VCPIP1: variants seen among roughly 807,000 people sequenced by gnomAD.
The protein encoded by VCPIP1 is valosin containing protein interacting protein 1.
VCPIP1 carries 8 observed loss-of-function variants against 85.0 expected under a neutral mutation model. That is an observed-to-expected ratio of 0.09 (90% CI 0.06 to 0.17). The LOEUF (loss-of-function observed/expected upper bound fraction) is 0.17, where lower values mean the gene tolerates loss of function less well. VCPIP1 is among the 10% of genes least tolerant of loss of function. The pLI, the probability that VCPIP1 is intolerant of heterozygous loss-of-function variation, is 1.00. For synonymous variants in VCPIP1, 543 were observed against 544.5 expected (o/e 1.00, Z 0.04); for missense variants, 1,070 against 1,486.3 (o/e 0.72, Z 4.61).
At chr8:66,651,756 G>A (rs1179477151) in intron 1 of VCPIP1, among the ~76,000 whole-genome samples, 2 of 152,058 alleles carry the variant, frequency 1.3e-5, no homozygotes, top group African/African-American at 4.8e-5. Flanking sequence ...ACTGCCAAGT[G>A]CTGTCATGGA....
chr8:66,653,785 C>T (rs934283181), intron 1 of VCPIP1, among the ~76,000 whole-genome samples: 26 of 152,136 alleles, frequency 1.7e-4, no homozygotes, highest in African/African-American at 6.3e-4. Flanking sequence ...CATTATTTTC[C>T]TAGTCCTCCC....
intron 2 of VCPIP1, among the ~76,000 whole-genome samples, chr8:66,648,195 C>A (rs138463654): frequency 6.6e-6 from 1 of 152,018 alleles, no homozygotes. Flanking sequence ...TTTTAAAAAA[C>A]GAAGGAATAA....
intron 2 of VCPIP1, among the ~76,000 whole-genome samples, chr8:66,644,952 A>T (rs937047153): frequency 6.6e-6 from 1 of 151,716 alleles, no homozygotes; most frequent in African/African-American, 2.4e-5. Context: ...TACAAAAATT[A>T]GCTGGGTGTG....
intron 2 of VCPIP1, among the ~76,000 whole-genome samples, chr8:66,639,033 A>G (rs1810921333): frequency 6.7e-6 from 1 of 148,904 alleles, no homozygotes; most frequent in South Asian, 2.1e-4. Flanking sequence ...ACCAGGCTGG[A>G]GTACAGTGGT....
chr8:66,635,636 A>T (rs1250209019), intron 2 of VCPIP1, among the ~76,000 whole-genome samples: 2 of 152,162 alleles, frequency 1.3e-5, no homozygotes, highest in Non-Finnish European at 2.9e-5. Context: ...GCTTGAGGTC[A>T]CACAGTGGCT....
Position 66,664,724 on chromosome 8 carries a change from A to G in VCPIP1, c.2235T>C (p.Thr745=), listed in dbSNP as rs1811190236. 1 of 1,613,634 alleles carries G rather than the reference A, an allele frequency of 6.2e-7. No homozygotes were observed. Residue 745 remains threonine, a synonymous_variant, in exon 1 of 3, where the codon ACT becomes ACC. Coordinates refer to ENST00000310421, the MANE Select transcript of VCPIP1 (RefSeq NM_025054.5). ...CATCACGAATGGTACTGGGAGAAAC[A>G]GTCCTGGGTTGCCCTTTTTGTTCTT... ...LKQEQKGQPR[T]VSPSTIRDGP...
At chr8:66,635,421 TA>T in intron 2 of VCPIP1, 49 bp from the exon 3 acceptor site, 4 of 1,496,390 alleles carry the variant, frequency 2.7e-6, no homozygotes, top group South Asian at 1.3e-5. Flanking sequence ...AAGGTATTAA[TA>T]AAAGTGTAGT....
chr8:66,652,833 G>A (rs1220018455), intron 1 of VCPIP1, among the ~76,000 whole-genome samples: 3 of 152,040 alleles, frequency 2.0e-5, no homozygotes, highest in Admixed American at 2.0e-4. Context: ...TTGCTTTATA[G>A]TTTACATTCT....
rs567088875 is a variant in VCPIP1, at chr8:66,663,987, A to G, written c.2710+262T>C. Among the ~76,000 whole-genome samples, 10 of 152,372 alleles carry G rather than the reference A, an allele frequency of 6.6e-5. No individual in the cohort carries two copies. In the East Asian group the frequency reaches 1.7e-3, roughly 26 times the overall value. On this transcript the variant is annotated intron_variant, in intron 1 of 2. Transcript: ENST00000310421. Reference sequence around the variant, plus strand: ...ATAAATACAAGTCTGTTTTTTAAAAAGCAATTGCAAGAATAAGATATATTT... The same window carrying G: ...ATAAATACAAGTCTGTTTTTTAAAAGGCAATTGCAAGAATAAGATATATTT...
intron 1 of VCPIP1, among the ~76,000 whole-genome samples, chr8:66,662,057 G>A (rs756103644): frequency 1.1e-4 from 16 of 152,012 alleles, no homozygotes; most frequent in East Asian, 1.9e-4. Context: ...ATGAGCCACC[G>A]TGACTGGCTC....
intron 1 of VCPIP1, among the ~76,000 whole-genome samples, chr8:66,660,888 C>CA (rs1490520254): frequency 6.6e-6 from 1 of 151,948 alleles, no homozygotes; most frequent in Non-Finnish European, 1.5e-5. Context: ...TATTAAAATA[C>CA]AAAAATTAGC....
rs1563572705 is a variant in VCPIP1 at position 66,664,602 on chromosome 8, T to C, written c.2357A>G (p.Gln786Arg). 5.0e-6 allele frequency: 8 copies of C among 1,614,150 alleles called. No individual in the cohort carries two copies. Among genetic ancestry groups the C allele is most frequent in the Non-Finnish European group, 6.8e-6 (8 of 1,180,020 alleles). ...TGAAGACTTAAGGGTAACCATGGAC[T>C]GTCGTCCATCATTAGTTGTGATTCG... ...KIRITTNDGR[Q>R]SMVTLKSSTT... The change falls in exon 1 of 3, where the codon CAG becomes CGG. Residue 786 changes from glutamine (Q) to arginine (R), a missense_variant. Gln to Arg is a conservative substitution (Grantham distance 43). Around this residue, in one of 8 missense-constraint regions of VCPIP1, gnomAD observed 278 missense variants for 298.5 expected, o/e 0.93. Transcript: ENST00000310421.
intron 1 of VCPIP1, among the ~76,000 whole-genome samples, chr8:66,658,401 C>T (rs1350665195): frequency 6.7e-6 from 1 of 150,176 alleles, no homozygotes; most frequent in Non-Finnish European, 1.5e-5. Context: ...GCCCTTTACC[C>T]AACATTTGAA....
At position 66,629,578 on chromosome 8, in the gene VCPIP1, T is replaced by TA. The variant is rs1469640971; in HGVS notation, c.*4922_*4923insT. The TA allele has an allele frequency of 2.0e-5, 3 of 152,218 alleles. No individual in the cohort carries two copies. In the East Asian group the frequency reaches 5.8e-4, roughly 29 times the overall value. The allele number at this position is 152,218 out of a possible 1,614,324, so 9.4% of individuals were successfully genotyped here. On this transcript the variant is annotated 3_prime_UTR_variant, in exon 3 of 3. Coordinates refer to ENST00000310421, the MANE Select transcript of VCPIP1 (RefSeq NM_025054.5). ...AAGAAATTTTGCTGGCAGGGTGCGG[T>TA]GGCTCACGCCTGTAATCCCAGCACT...
At chr8:66,638,404 T>G (rs1810909865) in intron 2 of VCPIP1, among the ~76,000 whole-genome samples, 1 of 151,284 alleles carries the variant, frequency 6.6e-6, no homozygotes. Flanking sequence ...GAAGGATCAC[T>G]TGAGCCAGGG....
In VCPIP1 at chr8:66,664,458, T is replaced by A. The variant is rs1448886614; in HGVS notation, c.2501A>T (p.Glu834Val). 1 of 1,613,866 alleles carries A rather than the reference T, an allele frequency of 6.2e-7. No homozygotes were observed. The highest frequency in any genetic ancestry group is 2.2e-5 in the East Asian group (1 of 44,886). Residue 834 changes from glutamate (E) to valine (V), a missense_variant, in exon 1 of 3, where the codon GAA (glutamate) becomes GTA (valine). Coordinates refer to ENST00000310421, the MANE Select transcript of VCPIP1 (RefSeq NM_025054.5). ...KELMPPQAGM[E>V]KEPVPLQHGD... ...ATGCTGTAAAGGAACTGGTTCCTTT[T>A]CCATTCCTGCCTGTGGTGGCATTAA... is the stretch of plus-strand genomic sequence containing the variant.
At position 66,638,576 on chromosome 8, in the gene VCPIP1, A is replaced by G. The variant is rs376815369; in HGVS notation, c.2798-3204T>C. Among the ~76,000 whole-genome samples, 105 of 152,020 alleles carry G rather than the reference A, an allele frequency of 6.9e-4. No individual in the cohort carries two copies. The South Asian group carries it at 0.012, about 17-fold the overall frequency. ...GGGTGGATCACGAGGTCAGCAGATC[A>G]AGACCATCCTGGCTAACACGGTGAA... On this transcript the variant is annotated intron_variant, in intron 2 of 2. Coordinates refer to ENST00000310421, the MANE Select transcript of VCPIP1 (RefSeq NM_025054.5).
chr8:66,657,420 CTG>C (rs1215494775), intron 1 of VCPIP1, among the ~76,000 whole-genome samples: 1 of 152,132 alleles, frequency 6.6e-6, no homozygotes, highest in Non-Finnish European at 1.5e-5. Context: ...TATTCATTTG[CTG>C]AAAGAATTGT....
intron 1 of VCPIP1, among the ~76,000 whole-genome samples, chr8:66,658,913 C>T (rs112620205): frequency 1.3e-5 from 2 of 152,036 alleles, no homozygotes; most frequent in Non-Finnish European, 2.9e-5. Flanking sequence ...GAAAGTATAT[C>T]AAAATGAAAC....
Sources: gnomAD v4.1 joint callset for allele counts (sites outside exome capture counted in the v4.1 genomes callset) on GRCh38, gnomAD v4.1.1 for gene constraint, gnomAD v4.1.1 regional missense constraint, MANE v1.5 for transcripts, NCBI Gene and HGNC (gene_info 2026-07-23, HGNC 2026-07-21) for gene names.